KCMF1: variants seen among roughly 807,000 people sequenced by gnomAD.
KCMF1 encodes the protein E3 ubiquitin-protein ligase KCMF1.
KCMF1 carries 3 observed loss-of-function variants against 41.1 expected under a neutral mutation model. The observed-to-expected ratio is 0.07, with a 90% CI of 0.03 to 0.19. The LOEUF is 0.19. Ranked by LOEUF, KCMF1 falls within the 10% of genes least tolerant of loss-of-function variation. KCMF1 has a pLI of 1.00. For synonymous variants in KCMF1, 142 were observed against 164.5 expected (o/e 0.86, Z 1.04); for missense variants, 286 against 488.9 (o/e 0.58, Z 3.91).
In KCMF1 at chr2:85,054,671, G is replaced by A. The variant is rs765277890; in HGVS notation, c.*1262G>A. ...ACAATAGCTCCAAGGCAGGGACAGC[G>A]GGTTTGGGGGTTGGGAGGGCAGTTT... is the stretch of plus-strand genomic sequence containing the variant. On this transcript the variant is annotated 3_prime_UTR_variant, in exon 7 of 7. Coordinates refer to ENST00000409785, the MANE Select transcript of KCMF1 (RefSeq NM_020122.5). 3.3e-5 allele frequency: 5 copies of A among 152,246 alleles called. No homozygotes were observed. Among genetic ancestry groups the A allele is most frequent in the Middle Eastern group, 6.8e-3 (2 of 294 alleles). The allele number at this position is 152,246 out of a possible 1,614,324, so 9.4% of individuals were successfully genotyped here.
intron 2 of KCMF1, among the ~76,000 whole-genome samples, chr2:85,029,045 C>T (rs938128598): frequency 6.6e-6 from 1 of 152,196 alleles, no homozygotes; most frequent in Non-Finnish European, 1.5e-5. Context: ...TTTCGGCTCA[C>T]TGCAACATCT....
intron 1 of KCMF1, among the ~76,000 whole-genome samples, chr2:84,999,564 C>T (rs920826462): frequency 3.3e-5 from 5 of 152,100 alleles, no homozygotes; most frequent in African/African-American, 1.2e-4. Context: ...TAACTGAGTA[C>T]CTATACCTAC....
Position 84,971,371 on chromosome 2 carries a change from G to C in KCMF1, c.-81G>C. On this transcript the variant is annotated 5_prime_UTR_variant, in exon 1 of 7. Transcript: ENST00000409785. ...GGAGTCGAGTGGGAGTCGGCCGGCC[G>C]GCGCGGGCAGCGCCGGGACCCCGCG... 1.1e-6 allele frequency: 1 copy of C among 912,382 alleles called. No homozygotes were observed. Among genetic ancestry groups the C allele is most frequent in the East Asian group, 7.9e-5 (1 of 12,646 alleles). The allele number at this position is 912,382 out of a possible 1,614,324, so 56.5% of individuals were successfully genotyped here.
chr2:85,024,919 G>A (rs1189151142), intron 1 of KCMF1, among the ~76,000 whole-genome samples: 1 of 152,034 alleles, frequency 6.6e-6, no homozygotes, highest in Admixed American at 6.6e-5. Context: ...TATTCCATGG[G>A]CCAGTTTGTC....
chr2:85,018,690 G>A (rs932030216), intron 1 of KCMF1, among the ~76,000 whole-genome samples: 1 of 151,238 alleles, frequency 6.6e-6, no homozygotes, highest in Non-Finnish European at 1.5e-5. Context: ...TGTAATGGAT[G>A]TCAGTGCTAT....
At chr2:85,047,126 A>C (rs1675686984) in intron 5 of KCMF1, among the ~76,000 whole-genome samples, 1 of 152,110 alleles carries the variant, frequency 6.6e-6, no homozygotes, top group South Asian at 2.1e-4. Context: ...CCTGCAGGTA[A>C]AGGGAGACTA....
At chr2:85,008,539 G>A (rs909948701) in intron 1 of KCMF1, among the ~76,000 whole-genome samples, 6 of 149,370 alleles carry the variant, frequency 4.0e-5, no homozygotes, top group Admixed American at 2.1e-4. Context: ...TTTAAATAGC[G>A]AAACTACCAA....
Position 84,998,917 on chromosome 2 carries a change from CCTAT to C in KCMF1, c.16+27497_16+27500del, listed in dbSNP as rs4019937. The stretch of plus-strand genomic sequence containing the variant: ...ATGACCCACTGTGCTGGGCCTCTTA[CCTAT>C]CTATCTATCTATCTATCTATCTATC... On this transcript the variant is annotated intron_variant, in intron 1 of 6. Coordinates refer to ENST00000409785, the MANE Select transcript of KCMF1 (RefSeq NM_020122.5). Among the ~76,000 whole-genome samples, 414 of 96,138 alleles carry C rather than the reference CCTAT, an allele frequency of 4.3e-3. 2 individuals carry two copies. The highest frequency in any genetic ancestry group is 5.1e-3 in the Non-Finnish European group (265 of 52,456). 63.1% of individuals were successfully genotyped at this position (96,138 alleles called of 152,430 possible).
intron 2 of KCMF1, among the ~76,000 whole-genome samples, chr2:85,029,662 A>G: frequency 6.6e-6 from 1 of 150,470 alleles, no homozygotes. Flanking sequence ...AAATATATAA[A>G]TGTTTCATGC....
intron 4 of KCMF1, among the ~76,000 whole-genome samples, chr2:85,044,355 T>G (rs1675612909): frequency 1.3e-5 from 2 of 152,048 alleles, no homozygotes; most frequent in Admixed American, 1.3e-4. Context: ...GCTTTAAATT[T>G]CCTTTCCTGC....
rs1293384357 is a variant in KCMF1, at chr2:85,013,301, C to G, written c.17-14588C>G. On this transcript the variant is annotated intron_variant, in intron 1 of 6. Transcript: ENST00000409785. ...CTTAAAATATAGACCCAGGGCAGAT[C>G]TTTTCCCACCTCAGTACAATGAGCT... Among the ~76,000 whole-genome samples, 3 of 152,268 alleles carry G rather than the reference C, an allele frequency of 2.0e-5. No homozygotes were observed. In the East Asian group the frequency reaches 5.8e-4, roughly 29 times the overall value.
chr2:84,976,195 TC>T (rs1673539036), intron 1 of KCMF1, among the ~76,000 whole-genome samples: 1 of 151,686 alleles, frequency 6.6e-6, no homozygotes, highest in Admixed American at 6.6e-5. Flanking sequence ...TTGAGTGCCT[TC>T]TTAACTCCTT....
At chr2:85,026,662 A>T (rs1574032490) in intron 1 of KCMF1, among the ~76,000 whole-genome samples, 1 of 142,606 alleles carries the variant, frequency 7.0e-6, no homozygotes, top group East Asian at 2.2e-4. Flanking sequence ...CTAATTTTTA[A>T]ATTTTTTTGT....
intron 4 of KCMF1, among the ~76,000 whole-genome samples, chr2:85,045,509 A>G (rs1285186533): frequency 1.3e-5 from 2 of 152,068 alleles, no homozygotes; most frequent in African/African-American, 2.4e-5. Flanking sequence ...TCTCTTCTAT[A>G]TGATCTGGCC....
intron 1 of KCMF1, among the ~76,000 whole-genome samples, chr2:85,019,063 A>C (rs777051573): frequency 1.3e-5 from 2 of 152,122 alleles, no homozygotes; most frequent in Non-Finnish European, 2.9e-5. Flanking sequence ...AATATCTTAA[A>C]TAGAGTGTAC....
chr2:84,971,658 C>G (rs1376409656), intron 1 of KCMF1, among the ~76,000 whole-genome samples, 191 bp downstream of exon 1: 1 of 150,886 alleles, frequency 6.6e-6, no homozygotes, highest in African/African-American at 2.4e-5. Flanking sequence ...CGGCCGCGGC[C>G]CTTAGCTGGG....
At chr2:85,019,525 CAATG>C (rs1175426673) in intron 1 of KCMF1, among the ~76,000 whole-genome samples, 1 of 152,020 alleles carries the variant, frequency 6.6e-6, no homozygotes, top group Non-Finnish European at 1.5e-5. Flanking sequence ...ATAAACTAAA[CAATG>C]AGAAAGGATG....
At chr2:84,996,002 A>C (rs975265487) in intron 1 of KCMF1, among the ~76,000 whole-genome samples, 2 of 152,246 alleles carry the variant, frequency 1.3e-5, no homozygotes, top group Admixed American at 1.3e-4. Flanking sequence ...AAGTTCAGAT[A>C]CCACAAGCAG....
At chr2:85,025,632 G>C (rs972508044) in intron 1 of KCMF1, among the ~76,000 whole-genome samples, 2 of 152,034 alleles carry the variant, frequency 1.3e-5, no homozygotes, top group African/African-American at 4.8e-5. Flanking sequence ...TTTTGAGATA[G>C]GAGTCCCGCT....
Sources: gnomAD v4.1 joint callset for allele counts (sites outside exome capture counted in the v4.1 genomes callset) on GRCh38, gnomAD v4.1.1 for gene constraint, MANE v1.5 for transcripts, NCBI Gene and HGNC (gene_info 2026-07-23, HGNC 2026-07-21) for gene names.